Variants in PSMF1 observed in about 807,000 individuals in gnomAD.
The protein encoded by PSMF1 is proteasome inhibitor subunit 1.
A neutral mutation model predicts 29.3 loss-of-function variants in PSMF1; 30 were observed. The ratio of observed to expected loss-of-function variants is 1.02; its 90% CI spans 0.77 to 1.39. The LOEUF (loss-of-function observed/expected upper bound fraction) is 1.39, where lower values mean the gene tolerates loss of function less well. Among genes scored for constraint, PSMF1 ranks in the 40% most tolerant of loss-of-function variants. The pLI, the probability that PSMF1 is intolerant of heterozygous loss-of-function variation, is 0.00. For missense variants in PSMF1, 344 were observed against 357.5 expected (o/e 0.96, Z 0.31); for synonymous variants, 134 against 139.7 (o/e 0.96, Z 0.29).
At chr20:1,134,975 G>A in intron 3 of PSMF1, 146 bp from the exon 4 acceptor site, 1 of 779,472 alleles carries the variant, frequency 1.3e-6, no homozygotes, top group African/African-American at 1.7e-5. Context: ...GGTCCAGCAG[G>A]CGGCCTGTTC....
At chr20:1,127,291 A>G (rs780590350) in intron 2 of PSMF1, 135 bp from the exon 3 acceptor site, 1 of 801,058 alleles carries the variant, frequency 1.2e-6, no homozygotes, top group Non-Finnish European at 2.2e-6. Flanking sequence ...TATTTCATAT[A>G]AACAGTCCTT....
At chr20:1,143,683 G>A (rs1004420377) in intron 4 of PSMF1, among the ~76,000 whole-genome samples, 2 of 152,156 alleles carry the variant, frequency 1.3e-5, no homozygotes, top group African/African-American at 4.8e-5. Flanking sequence ...GAGGATAGAA[G>A]CATAACCTAC....
intron 1 of PSMF1, among the ~76,000 whole-genome samples, chr20:1,123,149 T>C (rs1034720198): frequency 6.6e-6 from 1 of 152,254 alleles, no homozygotes; most frequent in Non-Finnish European, 1.5e-5. Context: ...TGAATTTCAT[T>C]GTCATCCAGC....
rs1195366675 is a variant in PSMF1, at chr20:1,171,481, G to A, written c.*6401G>A. On this transcript the variant is annotated 3_prime_UTR_variant, in exon 7 of 7. Transcript: ENST00000335877. ...GTGAAAAAGCAGGTCCACAGCTGTT[G>A]AGTGACTTTCCCAAGGCCACACAGA... Among the ~76,000 whole-genome samples the A allele has an allele frequency of 6.6e-6, 1 of 152,162 alleles. No homozygotes were observed. The highest frequency in any genetic ancestry group is 6.6e-5 in the Admixed American group (1 of 15,266).
At chr20:1,130,901 A>C (rs1035909370) in intron 3 of PSMF1, among the ~76,000 whole-genome samples, 1 of 152,156 alleles carries the variant, frequency 6.6e-6, no homozygotes, top group African/African-American at 2.4e-5. Flanking sequence ...GATATTTTAC[A>C]TTTACCTTCT....
chr20:1,153,724 C>T (rs982854148), intron 4 of PSMF1, among the ~76,000 whole-genome samples: 8 of 152,060 alleles, frequency 5.3e-5, no homozygotes, highest in Non-Finnish European at 1.2e-4. Flanking sequence ...AGTCTTAACC[C>T]GTTACTACAT....
chr20:1,161,291 C>T (rs1349273119), intron 4 of PSMF1: 2 of 318,828 alleles, frequency 6.3e-6, no homozygotes. Flanking sequence ...AGAAAAGCTA[C>T]AAACTGCCTG....
chr20:1,144,893 G>A (rs928183001), intron 4 of PSMF1, among the ~76,000 whole-genome samples: 2 of 151,958 alleles, frequency 1.3e-5, no homozygotes, highest in East Asian at 1.9e-4. Context: ...TCCAACCCCC[G>A]TGAATCTTTT....
intron 1 of PSMF1, among the ~76,000 whole-genome samples, chr20:1,121,180 T>C (rs2096389113): frequency 6.6e-6 from 1 of 152,082 alleles, no homozygotes; most frequent in Non-Finnish European, 1.5e-5. Context: ...GTCCATCTAA[T>C]TTTTCTCTGT....
chr20:1,118,948 C>T (rs1304497176), intron 1 of PSMF1, 46 bp downstream of exon 1: 2 of 1,602,864 alleles, frequency 1.2e-6, no homozygotes, highest in Non-Finnish European at 1.7e-6. Context: ...CTGTCTTCTG[C>T]CCAAACTCAG....
At chr20:1,157,687 G>T (rs1300891879) in intron 4 of PSMF1, among the ~76,000 whole-genome samples, 1 of 151,980 alleles carries the variant, frequency 6.6e-6, no homozygotes, top group African/African-American at 2.4e-5. Flanking sequence ...GTCGTAGCTG[G>T]TATTGATGAT....
chr20:1,113,695 G>GC (rs2085989049), upstream of PSMF1, among the ~76,000 whole-genome samples: 1 of 150,550 alleles, frequency 6.6e-6, no homozygotes, highest in Admixed American at 6.6e-5. Context: ...CTTTTTTTTT[G>GC]TTTTTTGGTT....
chr20:1,163,037 G>T lies in PSMF1; in HGVS notation c.552-93G>T. 7.1e-7 allele frequency: 1 copy of T among 1,403,836 alleles called. No individual in the cohort carries two copies. Among genetic ancestry groups the T allele is most frequent in the South Asian group, 1.2e-5 (1 of 83,206 alleles). 87.0% of individuals were successfully genotyped at this position (1,403,836 alleles called of 1,614,324 possible). A position where few individuals can be genotyped will look rare whatever the true frequency, so the allele number is the denominator to read the frequency against. ...CCTTGTGCTATGGTCTCATGCAAGGGTTTCCCATGCCTGTGAGTGTGTTTG... is the reference window on the plus strand; with the variant it reads ...CCTTGTGCTATGGTCTCATGCAAGGTTTTCCCATGCCTGTGAGTGTGTTTG... On this transcript the variant is annotated intron_variant, in intron 4 of 6. Coordinates refer to ENST00000335877, the MANE Select transcript of PSMF1 (RefSeq NM_006814.5). This position sits in a 1 kb window ranked among gnomAD's most constrained non-coding sequence, Gnocchi z 6.1.
At chr20:1,143,963 C>A (rs1044706328) in intron 4 of PSMF1, among the ~76,000 whole-genome samples, 8 of 152,226 alleles carry the variant, frequency 5.3e-5, no homozygotes, top group African/African-American at 1.9e-4. Flanking sequence ...GTGGTGCATG[C>A]CTGTAGTCCC....
At chr20:1,162,340 TATGTG>T (rs1165952207) in intron 4 of PSMF1, among the ~76,000 whole-genome samples, 1 of 152,200 alleles carries the variant, frequency 6.6e-6, no homozygotes, top group Non-Finnish European at 1.5e-5. Flanking sequence ...TTTTCACTGT[TATGTG>T]AGAGCATTAG....
In PSMF1 at chr20:1,132,453, T is replaced by G. The variant is rs140714145; in HGVS notation, c.366-2668T>G. On this transcript the variant is annotated intron_variant, in intron 3 of 6. Coordinates refer to ENST00000335877, the MANE Select transcript of PSMF1 (RefSeq NM_006814.5). ...ACCATGCCTGGCTAATTTTTTGTAT[T>G]TTTAGTAGAGACGGGGTTTTACCAT... Among the ~76,000 whole-genome samples, 859 of 152,072 alleles carry G rather than the reference T, an allele frequency of 5.6e-3. 6 individuals carry two copies. Among genetic ancestry groups the G allele is most frequent in the African/African-American group, 0.02 (819 of 41,444 alleles).
chr20:1,118,519 C>T (rs1256450966), upstream of PSMF1: 4 of 362,822 alleles, frequency 1.1e-5, no homozygotes, highest in Non-Finnish European at 2.0e-5. Flanking sequence ...GCTCGCACTC[C>T]CTGGCGGAAC....
chr20:1,144,321 T>C (rs2122544303), intron 4 of PSMF1, among the ~76,000 whole-genome samples: 1 of 152,340 alleles, frequency 6.6e-6, no homozygotes, highest in Non-Finnish European at 1.5e-5. Flanking sequence ...TGTACACTGC[T>C]GGTGGGCATG....
intron 4 of PSMF1, chr20:1,161,293 A>G (rs1326643754): frequency 9.4e-6 from 3 of 318,010 alleles, no homozygotes; most frequent in Non-Finnish European, 1.8e-5. Context: ...AAAAGCTACA[A>G]ACTGCCTGAC....
Sources: allele counts gnomAD v4.1 joint callset (sites outside exome capture counted in the v4.1 genomes callset), GRCh38; gene constraint gnomAD v4.1.1; non-coding constraint Gnocchi (gnomAD v3.1); transcripts MANE v1.5; gene names NCBI Gene and HGNC (gene_info 2026-07-23, HGNC 2026-07-21).